Variants in ASB13 observed in about 807,000 individuals in gnomAD.
ASB13 encodes ankyrin repeat and SOCS box protein 13.
Under a neutral mutation model 28.8 loss-of-function variants are expected in ASB13, and 33 were observed. The observed-to-expected ratio is 1.15, with a 90% CI of 0.87 to 1.53. The LOEUF is 1.53. Ranked by LOEUF, ASB13 falls within the 40% of genes most tolerant of loss-of-function variation. The pLI is 0.00. For synonymous variants in ASB13, 182 were observed against 172.9 expected, an observed-to-expected ratio of 1.05 and a Z score of -0.41; for missense variants, 414 against 390.1, an observed-to-expected ratio of 1.06 and a Z score of -0.52.
intron 1 of ASB13, among the ~76,000 whole-genome samples, chr10:5,662,547 AGG>A (rs1835186749): frequency 8.5e-5 from 2 of 23,446 alleles, no homozygotes; most frequent in Non-Finnish European, 1.6e-4. Context: ...GGGGGAGGGG[AGG>A]GGAGGGGAGG....
rs188480913 is a variant in ASB13 at position 5,649,124 on chromosome 10, G to A, written c.383-20C>T. The A allele has an allele frequency of 8.3e-5, 134 of 1,613,736 alleles. No individual in the cohort carries two copies. The highest frequency in any genetic ancestry group is 1.1e-4 in the South Asian group (10 of 91,080). ...AACTCCCTTAAGATAAATGGAAAAG[G>A]GGGGGAATGTCCTTGAATACGGACA... On this transcript the variant is annotated intron_variant, in intron 3 of 5. Transcript: ENST00000357700. This position sits in a 1 kb window ranked among gnomAD's most constrained non-coding sequence, Gnocchi z 6.4.
chr10:5,661,670 T>C lies in ASB13; in HGVS notation c.43+4839A>G, dbSNP rs1453429657. Among the ~76,000 whole-genome samples the C allele has an allele frequency of 6.6e-6, 1 of 152,082 alleles. No individual in the cohort carries two copies. Among genetic ancestry groups the C allele is most frequent in the East Asian group, 1.9e-4 (1 of 5,178 alleles). On this transcript the variant is annotated intron_variant, in intron 1 of 5. Transcript: ENST00000357700. This position sits in a 1 kb window ranked among gnomAD's most constrained non-coding sequence, Gnocchi z 4.9. ...CACCACCACCACACTGGATAATTTT[T>C]GTATTTTCTGTAGAGACAGGGTTTC... is the stretch of plus-strand genomic sequence containing the variant.
chr10:5,666,433 A>G (rs1588524056), intron 1 of ASB13, 76 bp downstream of exon 1: 2 of 1,193,068 alleles, frequency 1.7e-6, no homozygotes. Flanking sequence ...TCCCCGGCGC[A>G]GGCCATCGGA....
rs1376395236 is a variant in ASB13 at position 5,642,029 on chromosome 10, C to CCGTT, written c.518-72_518-69dup. Reference sequence around the variant, plus strand: ...CTTGAAGTCAGGGGGACAATCAGGTCCGTTTCGTCACACAGCACGGTGGCA... The same window carrying CCGTT: ...CTTGAAGTCAGGGGGACAATCAGGTCCGTTCGTTTCGTCACACAGCACGGTGGCA... On this transcript the variant is annotated intron_variant, in intron 4 of 5. Transcript: ENST00000357700. This position sits in a 1 kb window ranked among gnomAD's most constrained non-coding sequence, Gnocchi z 4.1. The CCGTT allele has an allele frequency of 2.7e-6, 4 of 1,497,378 alleles. No homozygotes were observed. The highest frequency in any genetic ancestry group is 3.7e-6 in the Non-Finnish European group (4 of 1,092,942). The allele number at this position is 1,497,378 out of a possible 1,614,324, so 92.8% of individuals were successfully genotyped here. A position where few individuals can be genotyped will look rare whatever the true frequency, so the allele number is the denominator to read the frequency against.
chr10:5,660,892 CCCAGCAGTGTGCCGGGCCATCTCG>C lies in ASB13; in HGVS notation c.43+5593_43+5616del, dbSNP rs1335891062. Among the ~76,000 whole-genome samples, 9 of 152,214 alleles carry C rather than the reference CCCAGCAGTGTGCCGGGCCATCTCG, an allele frequency of 5.9e-5. No homozygotes were observed. Among genetic ancestry groups the C allele is most frequent in the Admixed American group, 5.9e-4 (9 of 15,284 alleles). On this transcript the variant is annotated intron_variant, in intron 1 of 5. Transcript: ENST00000357700. This position sits in a 1 kb window ranked among gnomAD's most constrained non-coding sequence, Gnocchi z 6.1. ...CCATCGCTCCCTGCCTTGCAAGCCACCCAGCAGTGTGCCGGGCCATCTCGCCAGCTGGCTGCTGCACAGCCAGGT... is the reference window on the plus strand; with the variant it reads ...CCATCGCTCCCTGCCTTGCAAGCCACCCAGCTGGCTGCTGCACAGCCAGGT...
Position 5,660,671 on chromosome 10 carries a change from T to C in ASB13, c.43+5838A>G, listed in dbSNP as rs538967722. On this transcript the variant is annotated intron_variant, in intron 1 of 5. Coordinates refer to ENST00000357700, the MANE Select transcript of ASB13 (RefSeq NM_024701.4). This position sits in a 1 kb window ranked among gnomAD's most constrained non-coding sequence, Gnocchi z 6.1. ...AGGCACTGCCATGGCTCCAGGATCATTGCTGTCATTATTACCCTACCAGTC... is the reference window on the plus strand; with the variant it reads ...AGGCACTGCCATGGCTCCAGGATCACTGCTGTCATTATTACCCTACCAGTC... Among the ~76,000 whole-genome samples, 5 of 152,344 alleles carry C rather than the reference T, an allele frequency of 3.3e-5. No homozygotes were observed. The highest frequency in any genetic ancestry group is 3.9e-4 in the East Asian group (2 of 5,184).
chr10:5,666,172 C>T (rs1835255752), intron 1 of ASB13, among the ~76,000 whole-genome samples: 1 of 152,334 alleles, frequency 6.6e-6, no homozygotes, highest in South Asian at 2.1e-4. Flanking sequence ...CTCTCCCCCG[C>T]CACTGGGCAA....
chr10:5,643,305 T>A (rs1236931426), intron 4 of ASB13, among the ~76,000 whole-genome samples: 1 of 152,188 alleles, frequency 6.6e-6, no homozygotes, highest in Non-Finnish European at 1.5e-5. Context: ...ATTTTCTAGT[T>A]CCTCTAGCTC....
chr10:5,662,539 G>GGGGAGA lies in ASB13; in HGVS notation c.43+3969_43+3970insTCTCCC, dbSNP rs1554744100. Reference sequence around the variant, plus strand: ...ACTGAGACTCTGTCGAGAAGGGGGGGGGAGGGGAGGGGAGGGGAGGGGAGG... The same window carrying GGGGAGA: ...ACTGAGACTCTGTCGAGAAGGGGGGGGGGAGAGGAGGGGAGGGGAGGGGAGGGGAGG... On this transcript the variant is annotated intron_variant, in intron 1 of 5. Coordinates refer to ENST00000357700, the MANE Select transcript of ASB13 (RefSeq NM_024701.4). Among the ~76,000 whole-genome samples the GGGGAGA allele has an allele frequency of 9.2e-4, 37 of 40,336 alleles. 2 individuals carry two copies. In the South Asian group the frequency reaches 9.3e-3, roughly 10 times the overall value. The allele number at this position is 40,336 out of a possible 152,430, so 26.5% of individuals were successfully genotyped here.
intron 1 of ASB13, among the ~76,000 whole-genome samples, chr10:5,654,562 G>A (rs567231697): frequency 2.6e-5 from 4 of 152,294 alleles, no homozygotes; most frequent in South Asian, 2.1e-4. Context: ...CAGAAACCAC[G>A]CACGTGTTTT....
intron 4 of ASB13, among the ~76,000 whole-genome samples, chr10:5,648,002 C>A (rs1163405068): frequency 1.4e-5 from 2 of 147,846 alleles, no homozygotes; most frequent in African/African-American, 4.9e-5. Context: ...CAGGCAAACA[C>A]CCACTCAGGC....
intron 4 of ASB13, among the ~76,000 whole-genome samples, chr10:5,647,823 CCAG>C (rs1564216427): frequency 1.3e-5 from 2 of 152,350 alleles, no homozygotes; most frequent in African/African-American, 2.4e-5. Context: ...ACTCCTCTAC[CCAG>C]CTCTCTGCTA....
intron 1 of ASB13, 60 bp from the exon 2 acceptor site, chr10:5,653,110 ACACGTAAGACTCCAGGGTCCCTGATGC>A: frequency 2.1e-6 from 3 of 1,444,278 alleles, no homozygotes; most frequent in Non-Finnish European, 2.8e-6. Flanking sequence ...ACAAATGAGC[ACACGTAAGACTCCAGGGTCCCTGATGC>A]CACCAAGGCA....
chr10:5,654,144 T>C (rs1451289421), intron 1 of ASB13, among the ~76,000 whole-genome samples: 4 of 108,536 alleles, frequency 3.7e-5, no homozygotes, highest in Admixed American at 8.5e-5. Flanking sequence ...CTTCTTTTTT[T>C]CTTTTTTTTT....
chr10:5,648,672 A>AC (rs1322418708), intron 4 of ASB13, among the ~76,000 whole-genome samples: 2 of 148,554 alleles, frequency 1.3e-5, no homozygotes, highest in African/African-American at 5.0e-5. Flanking sequence ...TCGGGCAAAC[A>AC]CCCCCTCGGG....
rs775581047 is a variant in ASB13, at chr10:5,641,868, A to C, written c.611T>G (p.Phe204Cys). The C allele has an allele frequency of 8.1e-6, 13 of 1,614,116 alleles. No individual in the cohort carries two copies. The highest frequency in any genetic ancestry group is 1.1e-5 in the Non-Finnish European group (13 of 1,180,000). ...GTCCCGGGCGTAGATGTTGCCGCCA[A>C]ACTCGATAAGCATCTCGATGAGGTC... is the stretch of plus-strand genomic sequence containing the variant. ...NVDLIEMLIE[F>C]GGNIYARDNR... Residue 204 changes from phenylalanine (F) to cysteine (C), a missense_variant, in exon 5 of 6, where the codon TTT becomes TGT. Phe to Cys is a radical substitution (Grantham distance 205). Transcript: ENST00000357700. This position sits in a 1 kb window ranked among gnomAD's most constrained non-coding sequence, Gnocchi z 8.4.
chr10:5,665,525 C>T (rs1278625475), intron 1 of ASB13, among the ~76,000 whole-genome samples: 1 of 152,192 alleles, frequency 6.6e-6, no homozygotes, highest in Non-Finnish European at 1.5e-5. Context: ...AAATAAGCTT[C>T]TGCCGTTAGC....
In ASB13 at chr10:5,649,469, A is replaced by AC. The variant is rs71388459; in HGVS notation, c.383-366dup. ...AGCACTGAGCCCAGCCTCCCAGGAA[A>AC]CCCCCCAGACTTTCTTATGCAGGTC... On this transcript the variant is annotated intron_variant, in intron 3 of 5. Transcript: ENST00000357700. The surrounding 1 kb of genome is among the most constrained non-coding windows in gnomAD (Gnocchi z 6.4). Among the ~76,000 whole-genome samples the AC allele has an allele frequency of 6.9e-6, 1 of 145,484 alleles. No individual in the cohort carries two copies. Among genetic ancestry groups the AC allele is most frequent in the Non-Finnish European group, 1.5e-5 (1 of 65,240 alleles).
chr10:5,641,988 T>A lies in ASB13; in HGVS notation c.518-27A>T, dbSNP rs374359878. The A allele has an allele frequency of 8.2e-6, 13 of 1,585,092 alleles. No individual in the cohort carries two copies. The highest frequency in any genetic ancestry group is 5.4e-5 in the African/African-American group (4 of 74,328). On this transcript the variant is annotated intron_variant, in intron 4 of 5. Coordinates refer to ENST00000357700, the MANE Select transcript of ASB13 (RefSeq NM_024701.4). The surrounding 1 kb of genome is among the most constrained non-coding windows in gnomAD (Gnocchi z 8.4). Reference sequence around the variant, plus strand: ...TGGAGGTCAAGAGTGCAGAAGAGATTTCACCAAGAAGAGAACTTGAAGTCA... The same window carrying A: ...TGGAGGTCAAGAGTGCAGAAGAGATATCACCAAGAAGAGAACTTGAAGTCA...
Sources: gnomAD v4.1 joint callset for allele counts (sites outside exome capture counted in the v4.1 genomes callset) on GRCh38, gnomAD v4.1.1 for gene constraint, Gnocchi (gnomAD v3.1) non-coding constraint, MANE v1.5 for transcripts, NCBI Gene and HGNC (gene_info 2026-07-23, HGNC 2026-07-21) for gene names.